Variants in SLC38A12 observed in about 807,000 individuals in gnomAD.
SLC38A12 encodes the protein putative sodium-coupled neutral amino acid transporter 12.
At chr17:74,778,121 A>G in the SLC38A12 span, among the ~76,000 whole-genome samples, 1 of 152,216 alleles carries the variant, frequency 6.6e-6, no homozygotes, top group Non-Finnish European at 1.5e-5. Flanking sequence ...AGAGACTTCT[A>G]ATTACAGTTT....
the SLC38A12 span, among the ~76,000 whole-genome samples, chr17:74,804,743 A>G: frequency 6.6e-6 from 1 of 152,216 alleles, no homozygotes; most frequent in Admixed American, 6.5e-5. Context: ...GAACACCTTG[A>G]TGGGAAGAGA....
the SLC38A12 span, among the ~76,000 whole-genome samples, chr17:74,808,811 C>T: frequency 6.6e-6 from 1 of 152,186 alleles, no homozygotes. Flanking sequence ...GGGGCCACAG[C>T]GTGTGTTCTG....
the SLC38A12 span, among the ~76,000 whole-genome samples, chr17:74,779,201 C>G: frequency 0.5 from 76,480 of 152,056 alleles, 20,090 homozygotes; most frequent in Non-Finnish European, 0.59. Context: ...TGGATATGTC[C>G]CCATTTCTTG....
the SLC38A12 span, chr17:74,839,568 T>C: frequency 6.1e-6 from 1 of 162,732 alleles, no homozygotes; most frequent in Non-Finnish European, 1.3e-5. Flanking sequence ...GTGCCAGGCA[T>C]GGCATTGGGT....
chr17:74,836,269 G>A, the SLC38A12 span: 1 of 1,611,664 alleles, frequency 6.2e-7, no homozygotes, highest in Non-Finnish European at 8.5e-7. This position sits in a 1 kb window ranked among gnomAD's most constrained non-coding sequence, Gnocchi z 4.2. Context: ...TTTTTCCTGG[G>A]CCTCTTCCCC....
chr17:74,795,523 G>T, the SLC38A12 span: 826 of 1,613,716 alleles, frequency 5.1e-4, 6 homozygotes, highest in African/African-American at 9.9e-3. Context: ...CTCTTTATCA[G>T]CAGCGCCACT....
the SLC38A12 span, among the ~76,000 whole-genome samples, chr17:74,782,215 G>A: frequency 6.6e-6 from 1 of 152,098 alleles, no homozygotes; most frequent in South Asian, 2.1e-4. Context: ...TTACAGGCGT[G>A]CACCATCATG....
chr17:74,807,063 T>C, the SLC38A12 span, among the ~76,000 whole-genome samples: 3 of 152,154 alleles, frequency 2.0e-5, no homozygotes, highest in African/African-American at 7.2e-5. Context: ...TCACGTGGCA[T>C]GGTCTGCCCC....
the SLC38A12 span, among the ~76,000 whole-genome samples, chr17:74,820,261 G>A: frequency 6.6e-6 from 1 of 152,234 alleles, no homozygotes; most frequent in Non-Finnish European, 1.5e-5. Flanking sequence ...TCTCATGAGT[G>A]TGCTATGTGG....
chr17:74,834,583 G>A, the SLC38A12 span, among the ~76,000 whole-genome samples: 1 of 152,286 alleles, frequency 6.6e-6, no homozygotes, highest in South Asian at 2.1e-4. Flanking sequence ...TCAGGGAGTG[G>A]GCCTGGCCCA....
chr17:74,800,697 C>T, the SLC38A12 span, among the ~76,000 whole-genome samples: 9 of 152,382 alleles, frequency 5.9e-5, no homozygotes, highest in South Asian at 8.3e-4. Context: ...CCAGGCACCA[C>T]TCTTGTTGCT....
the SLC38A12 span, among the ~76,000 whole-genome samples, chr17:74,800,043 G>A: frequency 1.3e-5 from 2 of 152,230 alleles, no homozygotes; most frequent in African/African-American, 4.8e-5. Flanking sequence ...CTGACTGAGA[G>A]ACGGGGGCTT....
chr17:74,839,142 C>G, the SLC38A12 span: 2 of 1,523,456 alleles, frequency 1.3e-6, no homozygotes, highest in Non-Finnish European at 1.8e-6. Flanking sequence ...CTGTTCCTCA[C>G]CTGAGGCTAG....
chr17:74,805,041 C>A, the SLC38A12 span, among the ~76,000 whole-genome samples: 3 of 152,364 alleles, frequency 2.0e-5, no homozygotes, highest in African/African-American at 7.2e-5. The surrounding 1 kb of genome is among the most constrained non-coding windows in gnomAD (Gnocchi z 5.0). Flanking sequence ...GCAGTATATT[C>A]GAAGGCCACA....
the SLC38A12 span, among the ~76,000 whole-genome samples, chr17:74,784,585 G>T: frequency 6.6e-6 from 1 of 152,086 alleles, no homozygotes; most frequent in Non-Finnish European, 1.5e-5. Flanking sequence ...AGCAGATGAT[G>T]CCAAAATAGG....
the SLC38A12 span, among the ~76,000 whole-genome samples, chr17:74,782,686 A>C: frequency 5.9e-5 from 9 of 152,276 alleles, no homozygotes; most frequent in South Asian, 1.9e-3. Flanking sequence ...GTCTCACCCA[A>C]CTGCTGCCCT....
At chr17:74,795,574 A>C in the SLC38A12 span, 2 of 1,614,024 alleles carry the variant, frequency 1.2e-6, no homozygotes, top group Admixed American at 1.7e-5. Context: ...ACCAAATACA[A>C]TGACACTGAC....
chr17:74,823,598 G>T, the SLC38A12 span, among the ~76,000 whole-genome samples: 1 of 152,252 alleles, frequency 6.6e-6, no homozygotes, highest in East Asian at 1.9e-4. Context: ...GGGGAGACTG[G>T]GCTGGTCAGT....
At chr17:74,813,605 G>A in the SLC38A12 span, among the ~76,000 whole-genome samples, 6 of 152,006 alleles carry the variant, frequency 3.9e-5, no homozygotes, top group African/African-American at 7.2e-5. Flanking sequence ...GGTTCAAGCC[G>A]TTCTCCTGCC....
Sources: allele counts gnomAD v4.1 joint callset (sites outside exome capture counted in the v4.1 genomes callset), GRCh38; gene constraint gnomAD v4.1.1; non-coding constraint Gnocchi (gnomAD v3.1); transcripts MANE v1.5; gene names NCBI Gene and HGNC (gene_info 2026-07-23, HGNC 2026-07-21).